Variants in ATP6V1H observed in about 807,000 individuals in gnomAD.
ATP6V1H encodes ATPase H+ transporting V1 subunit H.
ATP6V1H carries 39 observed loss-of-function variants against 71.7 expected under a neutral mutation model. The ratio of observed to expected loss-of-function variants is 0.54; its 90% confidence interval spans 0.42 to 0.71. The LOEUF is 0.71. Among genes scored for constraint, ATP6V1H ranks in the 30% least tolerant of loss-of-function variants. ATP6V1H has a pLI of 0.00. For missense variants in ATP6V1H, 509 were observed against 594.9 expected, an observed-to-expected ratio of 0.86 and a Z score of 1.50; for synonymous variants, 192 against 199.3, an observed-to-expected ratio of 0.96 and a Z score of 0.31.
At chr8:53,792,940 G>A (rs775115354) in intron 9 of ATP6V1H, among the ~76,000 whole-genome samples, 5 of 152,080 alleles carry the variant, frequency 3.3e-5, no homozygotes, top group Non-Finnish European at 7.4e-5. Flanking sequence ...GTGTCCTAGT[G>A]ACCACTAAAT....
chr8:53,833,777 C>A (rs563972054), intron 2 of ATP6V1H, among the ~76,000 whole-genome samples: 2 of 152,222 alleles, frequency 1.3e-5, no homozygotes, highest in South Asian at 4.2e-4. Context: ...CCCTCCCTCC[C>A]AATCATTTCC....
intron 5 of ATP6V1H, 127 bp from the exon 6 acceptor site, chr8:53,814,893 T>C: frequency 2.0e-6 from 1 of 509,578 alleles, no homozygotes; most frequent in Non-Finnish European, 3.5e-6. Flanking sequence ...CTAAAAATAA[T>C]AGTTTATATT....
chr8:53,838,484 A>G (rs1811237475), intron 2 of ATP6V1H, among the ~76,000 whole-genome samples: 1 of 151,882 alleles, frequency 6.6e-6, no homozygotes, highest in African/African-American at 2.4e-5. Flanking sequence ...ATTTGCTCCC[A>G]CTTTTTGTTG....
chr8:53,740,137 T>G (rs900357233), intron 13 of ATP6V1H, among the ~76,000 whole-genome samples: 2 of 152,234 alleles, frequency 1.3e-5, no homozygotes, highest in Admixed American at 1.3e-4. Flanking sequence ...ATCTCTACAT[T>G]ATCAAGAAAC....
At chr8:53,767,335 G>T (rs1808505610) in intron 11 of ATP6V1H, among the ~76,000 whole-genome samples, 2 of 152,156 alleles carry the variant, frequency 1.3e-5, no homozygotes, top group African/African-American at 2.4e-5. Context: ...GGTAGAGGTA[G>T]CATATGAAAG....
At position 53,840,929 on chromosome 8, in the gene ATP6V1H, C is replaced by T. The variant is rs527287308; in HGVS notation, c.113+649G>A. Among the ~76,000 whole-genome samples, 8 of 152,198 alleles carry T rather than the reference C, an allele frequency of 5.3e-5. No homozygotes were observed. In the South Asian group the frequency reaches 1.7e-3, roughly 32 times the overall value. On this transcript the variant is annotated intron_variant, in intron 2 of 13. Transcript: ENST00000359530. ...TAAATACAAAATACTGAAACATCAG[C>T]ACATTAAATATTAATACATACAAGA... is the stretch of plus-strand genomic sequence containing the variant.
chr8:53,801,067 A>C (rs937551736), intron 8 of ATP6V1H, among the ~76,000 whole-genome samples: 5 of 152,228 alleles, frequency 3.3e-5, no homozygotes, highest in Admixed American at 3.3e-4. Flanking sequence ...CATTCTAAGA[A>C]ATTGCATACA....
chr8:53,755,716 ATATATATATATATATATATATATATATAT>A (rs1808011945), intron 12 of ATP6V1H, among the ~76,000 whole-genome samples: 1 of 4,512 alleles, frequency 2.2e-4, no homozygotes, highest in Non-Finnish European at 3.9e-4. Context: ...ATATATATAT[ATATATATATATATATATATATATATATAT>A]TTTTTTTTTT....
intron 5 of ATP6V1H, 58 bp from the exon 6 acceptor site, chr8:53,814,824 T>C: frequency 1.7e-6 from 2 of 1,179,784 alleles, no homozygotes; most frequent in Non-Finnish European, 2.5e-6. Context: ...TCACATCATA[T>C]ACCTTAAAAA....
At chr8:53,829,617 T>C in intron 3 of ATP6V1H, 84 bp from the exon 4 acceptor site, 3 of 816,822 alleles carry the variant, frequency 3.7e-6, no homozygotes, top group Non-Finnish European at 5.7e-6. Context: ...TGTCTCTCTT[T>C]CATAAATTAG....
rs111524531 is a variant in ATP6V1H, at chr8:53,808,469, T to A, written c.579+2695A>T. On this transcript the variant is annotated intron_variant, in intron 7 of 13. Transcript: ENST00000359530. ...AGGAAATTCCACTTATCTAATGTCA[T>A]TTAAATAAAAATGTTTCACTGGGTA... Among the ~76,000 whole-genome samples, 8 of 152,348 alleles carry A rather than the reference T, an allele frequency of 5.3e-5. 1 individual carries two copies. Among genetic ancestry groups the A allele is most frequent in the African/African-American group, 1.9e-4 (8 of 41,594 alleles).
At chr8:53,733,976 C>T (rs535300947) in intron 13 of ATP6V1H, among the ~76,000 whole-genome samples, 34 of 152,276 alleles carry the variant, frequency 2.2e-4, no homozygotes, top group East Asian at 3.9e-4. Flanking sequence ...AACAACTAGA[C>T]GGGGTTTCTA....
In ATP6V1H at chr8:53,810,609, G is replaced by A. The variant is rs1048956010; in HGVS notation, c.579+555C>T. 1.3e-4 allele frequency among the ~76,000 whole-genome samples: 20 copies of A among 152,176 alleles called. 1 individual carries two copies. Among genetic ancestry groups the A allele is most frequent in the South Asian group, 1.0e-3 (5 of 4,828 alleles). On this transcript the variant is annotated intron_variant, in intron 7 of 13. Transcript: ENST00000359530. ...ACAAAAATTAGCTGGGTGTGGTGGC[G>A]GGCGCTTGTAGTCCCAGCTACTCGG...
chr8:53,805,673 G>C (rs1449880932), intron 7 of ATP6V1H, among the ~76,000 whole-genome samples: 1 of 151,936 alleles, frequency 6.6e-6, no homozygotes, highest in Non-Finnish European at 1.5e-5. Context: ...AGACATAAAG[G>C]TATACATCTG....
intron 13 of ATP6V1H, among the ~76,000 whole-genome samples, chr8:53,738,593 T>G (rs986332345): frequency 2.6e-5 from 4 of 152,252 alleles, no homozygotes; most frequent in African/African-American, 9.6e-5. Flanking sequence ...CTTAGTCATG[T>G]GCACCTATGT....
chr8:53,819,078 C>T (rs934061365), intron 4 of ATP6V1H, among the ~76,000 whole-genome samples: 19 of 151,650 alleles, frequency 1.3e-4, no homozygotes, highest in African/African-American at 4.4e-4. Flanking sequence ...TGGTGGCACA[C>T]GCCTATGGTC....
intron 4 of ATP6V1H, among the ~76,000 whole-genome samples, chr8:53,827,717 G>A (rs1039342656): frequency 3.9e-5 from 6 of 152,064 alleles, no homozygotes; most frequent in African/African-American, 1.4e-4. Flanking sequence ...CAGGTACTAA[G>A]CCTAGTACCC....
chr8:53,776,086 C>A (rs990716159), intron 9 of ATP6V1H, among the ~76,000 whole-genome samples: 1 of 152,216 alleles, frequency 6.6e-6, no homozygotes, highest in Non-Finnish European at 1.5e-5. Flanking sequence ...AGCGCAGCGC[C>A]GGTGGGCTGG....
chr8:53,729,388 T>TA (rs1418142497), intron 13 of ATP6V1H, among the ~76,000 whole-genome samples: 1 of 152,122 alleles, frequency 6.6e-6, no homozygotes, highest in Non-Finnish European at 1.5e-5. Flanking sequence ...ATTTATTACT[T>TA]ACAGATAGGA....
Sources: gnomAD v4.1 joint callset for allele counts (sites outside exome capture counted in the v4.1 genomes callset) on GRCh38, gnomAD v4.1.1 for gene constraint, MANE v1.5 for transcripts, NCBI Gene and HGNC (gene_info 2026-07-23, HGNC 2026-07-21) for gene names.